Variants in SETBP1 observed in about 807,000 individuals in gnomAD.
SETBP1 encodes the protein SET binding protein 1.
SETBP1 carries 9 observed loss-of-function variants against 101.0 expected under a neutral mutation model. The observed-to-expected ratio is 0.09, with a 90% CI of 0.05 to 0.16. The LOEUF (loss-of-function observed/expected upper bound fraction) is 0.16. Among genes scored for constraint, SETBP1 ranks in the 10% least tolerant of loss-of-function variants. The pLI, the probability that SETBP1 is intolerant of heterozygous loss-of-function variation, is 1.00. For synonymous variants in SETBP1, 818 were observed against 788.5 expected (o/e 1.04, Z -0.63); for missense variants, 1,858 against 2,033.8 (o/e 0.91, Z 1.66).
chr18:45,002,227 C>T (rs182239064), intron 4 of SETBP1, among the ~76,000 whole-genome samples: 54 of 151,996 alleles, frequency 3.6e-4, no homozygotes, highest in Admixed American at 1.8e-3. Context: ...CCCCAGCTTT[C>T]AGATCTGCGA....
rs115827823 is a variant in SETBP1 at position 44,947,011 on chromosome 18, A to G, written c.541-2870A>G. Among the ~76,000 whole-genome samples the G allele has an allele frequency of 2.9e-3, 436 of 152,312 alleles. 3 individuals carry two copies. The highest frequency in any genetic ancestry group is 9.9e-3 in the African/African-American group (413 of 41,550). On this transcript the variant is annotated intron_variant, in intron 3 of 5. Coordinates refer to ENST00000649279, the MANE Select transcript of SETBP1 (RefSeq NM_015559.3). ...CCTGTCGTAAAATGTATGCTTCTTC[A>G]TTCATTCAGTGGATGTTTATTGAGT...
intron 2 of SETBP1, among the ~76,000 whole-genome samples, chr18:44,843,217 A>C (rs1209493976): frequency 6.6e-6 from 1 of 152,232 alleles, no homozygotes; most frequent in African/African-American, 2.4e-5. Flanking sequence ...TCTGGCTGCA[A>C]CTTGAACAGA....
intron 2 of SETBP1, among the ~76,000 whole-genome samples, chr18:44,868,583 T>C (rs541149065): frequency 6.6e-6 from 1 of 151,840 alleles, no homozygotes; most frequent in East Asian, 1.9e-4. Context: ...TAATCCCAGC[T>C]ACTTGGGAGG....
intron 4 of SETBP1, among the ~76,000 whole-genome samples, chr18:45,032,687 A>G (rs973151907): frequency 5.0e-4 from 76 of 152,188 alleles, no homozygotes; most frequent in East Asian, 3.9e-4. Flanking sequence ...AAGCTATGAG[A>G]CCCTGGGGTT....
chr18:44,789,420 C>T (rs1446668652), intron 2 of SETBP1, among the ~76,000 whole-genome samples: 1 of 152,154 alleles, frequency 6.6e-6, no homozygotes, highest in Non-Finnish European at 1.5e-5. Flanking sequence ...TGTGTTTCAG[C>T]AAGTACAAAC....
intron 4 of SETBP1, among the ~76,000 whole-genome samples, chr18:44,956,602 T>C (rs532321121): frequency 1.3e-5 from 2 of 152,356 alleles, no homozygotes; most frequent in South Asian, 4.1e-4. Context: ...TGAGCTATTC[T>C]TCTCTAAAAT....
intron 4 of SETBP1, among the ~76,000 whole-genome samples, chr18:44,995,235 G>A (rs1163264057): frequency 6.8e-6 from 1 of 146,278 alleles, no homozygotes; most frequent in East Asian, 2.0e-4. Context: ...TCCGCCTCCT[G>A]GGTTCACGCC....
intron 4 of SETBP1, among the ~76,000 whole-genome samples, chr18:44,957,494 G>A (rs1048852918): frequency 2.6e-5 from 4 of 152,104 alleles, no homozygotes; most frequent in African/African-American, 9.7e-5. Flanking sequence ...TCCTCATGAT[G>A]AGTGGATTCT....
intron 3 of SETBP1, chr18:44,877,121 C>T: frequency 1.0e-6 from 1 of 1,004,054 alleles, no homozygotes; most frequent in African/African-American, 1.7e-5. Flanking sequence ...GCTCTCTTAC[C>T]CCATGCTATA....
intron 3 of SETBP1, among the ~76,000 whole-genome samples, chr18:44,932,324 G>T (rs2070855939): frequency 6.6e-6 from 1 of 152,312 alleles, no homozygotes; most frequent in Non-Finnish European, 1.5e-5. Context: ...AGTCTGATGG[G>T]CTTCCCTTTG....
At chr18:45,062,073 A>G (rs1397189617) in intron 5 of SETBP1, among the ~76,000 whole-genome samples, 3 of 152,218 alleles carry the variant, frequency 2.0e-5, no homozygotes, top group Non-Finnish European at 4.4e-5. Context: ...GTGCCTGCTC[A>G]TGACCAACAC....
In SETBP1 at chr18:44,720,909, C is replaced by G. The variant is rs550835018; in HGVS notation, c.486+19077C>G. ...AGCAATGGAGCCCTCCAACCCCCAC[C>G]CCCCACCCCAACCCCTTGGGGAGAA... On this transcript the variant is annotated intron_variant, in intron 2 of 5. Coordinates refer to ENST00000649279, the MANE Select transcript of SETBP1 (RefSeq NM_015559.3). 4.4e-3 allele frequency among the ~76,000 whole-genome samples: 571 copies of G among 131,158 alleles called. 19 individuals carry two copies. The highest frequency in any genetic ancestry group is 0.015 in the African/African-American group (527 of 36,050). The allele number at this position is 131,158 out of a possible 152,430, so 86.0% of individuals were successfully genotyped here.
rs145903913 is a variant in SETBP1, at chr18:45,032,770, C to T, written c.4001-5715C>T. 7.0e-4 allele frequency among the ~76,000 whole-genome samples: 107 copies of T among 152,282 alleles called. No homozygotes were observed. In the East Asian group the frequency reaches 0.019, roughly 27 times the overall value. On this transcript the variant is annotated intron_variant, in intron 4 of 5. Coordinates refer to ENST00000649279, the MANE Select transcript of SETBP1 (RefSeq NM_015559.3). ...CCCTCTCTTTACTAAGCTCTGAGTC[C>T]ATGGAGCTGCATTCACCTGGAATTT...
chr18:44,998,729 G>C (rs761180416), intron 4 of SETBP1, among the ~76,000 whole-genome samples: 3 of 152,168 alleles, frequency 2.0e-5, no homozygotes, highest in Non-Finnish European at 2.9e-5. Context: ...GGTTGGATAC[G>C]GGGAAGTAAA....
At chr18:44,903,308 C>T (rs1019630139) in intron 3 of SETBP1, among the ~76,000 whole-genome samples, 1 of 152,172 alleles carries the variant, frequency 6.6e-6, no homozygotes, top group Non-Finnish European at 1.5e-5. Context: ...CACCTGCTGC[C>T]CACACAAGGA....
In SETBP1 at chr18:44,949,945, C is replaced by G. The variant is rs778780133; in HGVS notation, c.605C>G (p.Thr202Ser). The G allele has an allele frequency of 6.2e-7, 1 of 1,614,132 alleles. No individual in the cohort carries two copies. ...GACACGGGCCTCCCACAGGACTTCA[C>G]CGGTGACACCTTAAAACCAAAGCAC... ...HYDTGLPQDF[T>S]GDTLKPKHQQ... is the part of the protein sequence containing the mutation. The change falls in exon 4 of 6, where the codon ACC becomes AGC. Residue 202 changes from threonine (T) to serine (S), a missense_variant. Thr to Ser is a moderately conservative substitution (Grantham distance 58, BLOSUM62 1). Transcript: ENST00000649279.
chr18:44,986,600 A>G (rs1171462803), intron 4 of SETBP1: 3 of 145,966 alleles, frequency 2.1e-5, no homozygotes, highest in Non-Finnish European at 4.5e-5. Flanking sequence ...CTTATTCTAT[A>G]AGCCTTTTCT....
chr18:44,707,309 A>G (rs2069242898), intron 2 of SETBP1, among the ~76,000 whole-genome samples: 1 of 152,202 alleles, frequency 6.6e-6, no homozygotes, highest in Non-Finnish European at 1.5e-5. Context: ...CCTAATTCTA[A>G]GTTTTCCATG....
chr18:44,762,099 C>T (rs954135475), intron 2 of SETBP1, among the ~76,000 whole-genome samples: 1 of 152,128 alleles, frequency 6.6e-6, no homozygotes, highest in Non-Finnish European at 1.5e-5. Context: ...GTTTACCTCT[C>T]CCTTTGGCCA....
Sources: gnomAD v4.1 joint callset for allele counts (sites outside exome capture counted in the v4.1 genomes callset) on GRCh38, gnomAD v4.1.1 for gene constraint, MANE v1.5 for transcripts, NCBI Gene and HGNC (gene_info 2026-07-23, HGNC 2026-07-21) for gene names.